SPAM1: variants seen among roughly 807,000 people sequenced by gnomAD.
SPAM1 encodes hyaluronidase PH-20.
Under a neutral mutation model 29.6 loss-of-function variants are expected in SPAM1, and 22 were observed. That is an observed-to-expected ratio of 0.74 (90% CI 0.53 to 1.06). SPAM1 has a LOEUF of 1.06. Among genes scored for constraint, SPAM1 ranks in the 50% least tolerant of loss-of-function variants. The pLI is 0.00. For synonymous variants in SPAM1, 194 were observed against 204.6 expected, an observed-to-expected ratio of 0.95 and a Z score of 0.44; for missense variants, 534 against 604.0, an observed-to-expected ratio of 0.88 and a Z score of 1.21.
intron 2 of SPAM1, among the ~76,000 whole-genome samples, chr7:123,953,030 G>A (rs1012615912): frequency 1.8e-4 from 27 of 152,206 alleles, no homozygotes; most frequent in African/African-American, 6.3e-4. Flanking sequence ...AACAGAATGA[G>A]AGGATCAACT....
intron 1 of SPAM1, among the ~76,000 whole-genome samples, chr7:123,928,114 A>C (rs1807952180): frequency 6.6e-6 from 1 of 152,170 alleles, no homozygotes; most frequent in Non-Finnish European, 1.5e-5. Flanking sequence ...TTGCAGGGTA[A>C]GAAGGTATAA....
chr7:123,946,277 C>G (rs1808573197), intron 1 of SPAM1, among the ~76,000 whole-genome samples: 1 of 152,106 alleles, frequency 6.6e-6, no homozygotes, highest in Non-Finnish European at 1.5e-5. Flanking sequence ...TAGATCTCAA[C>G]CAAATTTTGG....
At chr7:123,935,014 A>T (rs932917243) in intron 1 of SPAM1, among the ~76,000 whole-genome samples, 2 of 152,212 alleles carry the variant, frequency 1.3e-5, no homozygotes, top group African/African-American at 2.4e-5. Context: ...AATATGAATG[A>T]TGAATTAGAT....
intron 3 of SPAM1, 55 bp downstream of exon 3, chr7:123,954,579 T>G (rs1792204963): frequency 8.4e-6 from 10 of 1,183,700 alleles, no homozygotes; most frequent in Non-Finnish European, 1.1e-5. Context: ...AGATGTTGAT[T>G]GAAATTTAAT....
At chr7:123,947,058 G>T (rs1808597852) in intron 1 of SPAM1, among the ~76,000 whole-genome samples, 1 of 152,148 alleles carries the variant, frequency 6.6e-6, no homozygotes, top group Non-Finnish European at 1.5e-5. Flanking sequence ...ACTCATAAAA[G>T]TAGTATTTTT....
In SPAM1 at chr7:123,959,697, A is replaced by G; in HGVS notation, c.1258A>G (p.Lys420Glu). 2 of 1,613,370 alleles carry G rather than the reference A, an allele frequency of 1.2e-6. No individual in the cohort carries two copies. The highest frequency in any genetic ancestry group is 1.7e-6 in the Non-Finnish European group (2 of 1,179,588). Reference protein sequence around the residue: ...EKGGKFTVRGKPTLEDLEQFS... With the variant: ...EKGGKFTVRGEPTLEDLEQFS... Reference sequence around the variant, plus strand: ...AGGTGGAAAGTTCACAGTACGTGGAAAACCGACACTTGAAGACCTGGAGCA... The same window carrying G: ...AGGTGGAAAGTTCACAGTACGTGGAGAACCGACACTTGAAGACCTGGAGCA... The change falls in exon 5 of 5, where the codon AAA becomes GAA. Residue 420 changes from lysine (K) to glutamate (E), a missense_variant. Physicochemically the swap from Lys to Glu is moderately conservative, Grantham distance 56. Transcript: ENST00000682466.
In SPAM1 at chr7:123,959,540, C is replaced by T. The variant is rs1350098440; in HGVS notation, c.1101C>T (p.Ile367=). ...AGACTATACTGAATCCTTACATAAT[C>T]AACGTCACACTAGCAGCCAAAATGT... The part of the protein sequence containing the change: ...YMETILNPYI[I]NVTLAAKMCS... Residue 367 remains isoleucine (I), a synonymous_variant, in exon 5 of 5, where the codon ATC becomes ATT. Transcript: ENST00000682466. The T allele has an allele frequency of 2.5e-6, 4 of 1,612,902 alleles. No individual in the cohort carries two copies. Among genetic ancestry groups the T allele is most frequent in the Non-Finnish European group, 2.5e-6 (3 of 1,179,394 alleles).
intron 1 of SPAM1, among the ~76,000 whole-genome samples, chr7:123,937,396 T>G (rs1430871790): frequency 6.6e-6 from 1 of 151,906 alleles, no homozygotes; most frequent in Non-Finnish European, 1.5e-5. Context: ...AGTCAGGAGA[T>G]CGAGACCATC....
intron 1 of SPAM1, among the ~76,000 whole-genome samples, chr7:123,940,701 G>A (rs1439742392): frequency 2.0e-5 from 3 of 151,884 alleles, no homozygotes; most frequent in Non-Finnish European, 4.4e-5. Context: ...TTCCTATGTT[G>A]CCCAGACTGG....
chr7:123,954,966 A>T, intron 3 of SPAM1, 31 bp from the exon 4 acceptor site: 1 of 1,500,198 alleles, frequency 6.7e-7, no homozygotes, highest in Non-Finnish European at 9.3e-7. Context: ...TTTCATTTTT[A>T]TCTGCTAACT....
intron 1 of SPAM1, among the ~76,000 whole-genome samples, chr7:123,946,633 T>C (rs1386534264): frequency 6.6e-6 from 1 of 152,108 alleles, no homozygotes; most frequent in Non-Finnish European, 1.5e-5. Flanking sequence ...GTGTAAGATA[T>C]ACATTGGTTT....
At chr7:123,952,731 G>A (rs1446084040) in intron 2 of SPAM1, among the ~76,000 whole-genome samples, 2 of 151,988 alleles carry the variant, frequency 1.3e-5, no homozygotes, top group African/African-American at 4.8e-5. Context: ...GTAGTAAAAT[G>A]TTTTATTAAC....
chr7:123,948,067 G>T (rs1176890443), intron 1 of SPAM1, among the ~76,000 whole-genome samples: 1 of 152,020 alleles, frequency 6.6e-6, no homozygotes, highest in African/African-American at 2.4e-5. Context: ...TTATCTTGTT[G>T]AATCAAGTTA....
chr7:123,966,931 A>T (rs550811725), intron 5 of SPAM1, among the ~76,000 whole-genome samples: 1 of 151,906 alleles, frequency 6.6e-6, no homozygotes, highest in African/African-American at 2.4e-5. Flanking sequence ...AAAAAATACA[A>T]TTTTTTTCTG....
intron 6 of SPAM1, among the ~76,000 whole-genome samples, chr7:123,970,629 A>C (rs1227728401): frequency 7.3e-6 from 1 of 136,828 alleles, no homozygotes; most frequent in African/African-American, 2.9e-5. Context: ...TTATTATAGT[A>C]AGGCACTAGG....
At chr7:123,935,888 C>T (rs1808231882) in intron 1 of SPAM1, among the ~76,000 whole-genome samples, 1 of 152,116 alleles carries the variant, frequency 6.6e-6, no homozygotes, top group African/African-American at 2.4e-5. Context: ...TTATCCTATC[C>T]TATTCTACAC....
chr7:123,959,752 A>T lies in SPAM1; in HGVS notation c.1313A>T (p.Tyr438Phe), dbSNP rs748333876. The T allele has an allele frequency of 5.6e-6, 9 of 1,613,306 alleles. No individual in the cohort carries two copies. Among genetic ancestry groups the T allele is most frequent in the Non-Finnish European group, 7.6e-6 (9 of 1,179,556 alleles). ...QFSEKFYCSCYSTLSCKEKAD... is the reference protein window; with the variant it reads ...QFSEKFYCSCFSTLSCKEKAD... The stretch of plus-strand genomic sequence containing the variant: ...TCTGAAAAATTTTATTGCAGCTGTT[A>T]TAGCACCTTGAGTTGTAAGGAGAAA... Residue 438 changes from tyrosine to phenylalanine, a missense_variant, in exon 5 of 5, where the codon TAT becomes TTT. By Grantham distance (22) the Tyr-to-Phe change is conservative. Coordinates refer to ENST00000682466, the MANE Select transcript of SPAM1 (RefSeq NM_153189.3).
chr7:123,964,426 G>C (rs1792397171), downstream of SPAM1, among the ~76,000 whole-genome samples: 1 of 151,562 alleles, frequency 6.6e-6, no homozygotes, highest in Admixed American at 6.6e-5. Context: ...ATAAGGAAAA[G>C]GATAAATATA....
intron 1 of SPAM1, among the ~76,000 whole-genome samples, chr7:123,931,214 G>A (rs971356888): frequency 2.0e-5 from 3 of 152,090 alleles, no homozygotes; most frequent in African/African-American, 2.4e-5. Context: ...AGTCCCATTT[G>A]CCTCCAAGGC....
Sources: allele counts gnomAD v4.1 joint callset (sites outside exome capture counted in the v4.1 genomes callset), GRCh38; gene constraint gnomAD v4.1.1; transcripts MANE v1.5; gene names NCBI Gene and HGNC (gene_info 2026-07-23, HGNC 2026-07-21).